Variants in SDHA observed in about 807,000 individuals in gnomAD.
The protein encoded by SDHA is succinate dehydrogenase complex flavoprotein subunit A.
Under a neutral mutation model 78.4 loss-of-function variants are expected in SDHA, and 48 were observed. That is an observed-to-expected ratio of 0.61 (90% confidence interval 0.49 to 0.78). The LOEUF (loss-of-function observed/expected upper bound fraction) is 0.78. SDHA is among the 30% of genes least tolerant of loss of function. SDHA has a pLI of 0.00. For missense variants in SDHA, 680 were observed against 892.7 expected, an observed-to-expected ratio of 0.76 and a Z score of 3.04; for synonymous variants, 326 against 353.9, an observed-to-expected ratio of 0.92 and a Z score of 0.88.
Position 225,902 on chromosome 5 carries a change from C to A in SDHA, c.476C>A (p.Pro159Gln), listed in dbSNP as rs759827541. ...AVVELENYGM[P>Q]FSRTEDGKIY... is the part of the protein sequence containing the mutation. ...TCACAGCTAGAAAATTATGGCATGC[C>A]GTTTAGCAGAACTGAAGATGGGAAG... is the stretch of plus-strand genomic sequence containing the variant. The change falls in exon 5 of 15, where the codon CCG becomes CAG. Residue 159 changes from proline to glutamine, a missense_variant. Physicochemically the swap from Pro to Gln is moderately conservative, Grantham distance 76 (BLOSUM62 -1). Coordinates refer to ENST00000264932, the MANE Select transcript of SDHA (RefSeq NM_004168.4). 1 of 1,612,892 alleles carries A rather than the reference C, an allele frequency of 6.2e-7. No homozygotes were observed. The highest frequency in any genetic ancestry group is 1.3e-5 in the African/African-American group (1 of 74,846).
In SDHA at chr5:241,233, G is replaced by A. The variant is rs763518502; in HGVS notation, c.1551+757G>A. Among the ~76,000 whole-genome samples, 8 of 152,164 alleles carry A rather than the reference G, an allele frequency of 5.3e-5. No homozygotes were observed. The South Asian group carries it at 6.2e-4, about 12-fold the overall frequency. The stretch of plus-strand genomic sequence containing the variant: ...CTGGCTGTCATGGATGAGTCACAGC[G>A]TGGAGGAGAGGGAACTGCAGGACCG... On this transcript the variant is annotated intron_variant, in intron 11 of 14. Transcript: ENST00000264932.
chr5:245,084 T>A (rs1447001637), intron 11 of SDHA, among the ~76,000 whole-genome samples: 3 of 152,204 alleles, frequency 2.0e-5, no homozygotes, highest in Non-Finnish European at 2.9e-5. Flanking sequence ...CAATGGCCAC[T>A]GAGTAAAGAG....
Position 223,513 on chromosome 5 carries a change from G to GT in SDHA, c.99dup (p.His34SerfsTer5). On this transcript the variant is annotated frameshift_variant, in exon 2 of 15. Coordinates refer to ENST00000264932, the MANE Select transcript of SDHA (RefSeq NM_004168.4). LOFTEE classifies it high-confidence loss of function. ...ACAGTGTTGCAAACAGGAACCCGAG[G>GT]TTTTCACTTCACTGTTGATGGGAAC... The GT allele has an allele frequency of 6.2e-7, 1 of 1,613,866 alleles. No homozygotes were observed. Among genetic ancestry groups the GT allele is most frequent in the Non-Finnish European group, 8.5e-7 (1 of 1,179,752 alleles).
rs755913710 is a variant in SDHA, at chr5:230,940, A to G, written c.835A>G (p.Met279Val). Residue 279 changes from methionine (M) to valine (V), a missense_variant, in exon 7 of 15, where the codon ATG becomes GTG. Transcript: ENST00000264932. ...AHTSTGDGTA[M>V]ITRAGLPCQD... is the part of the protein sequence containing the mutation. ...CACCAGCACTGGCGACGGCACGGCC[A>G]TGATCACCAGGGCAGGCCTTCCTTG... 3 of 1,613,922 alleles carry G rather than the reference A, an allele frequency of 1.9e-6. No individual in the cohort carries two copies. Among genetic ancestry groups the G allele is most frequent in the Non-Finnish European group, 2.5e-6 (3 of 1,179,902 alleles).
Position 250,834 on chromosome 5 carries a change from T to G in SDHA, c.1552-158T>G, listed in dbSNP as rs2126631445. 4 of 686,940 alleles carry G rather than the reference T, an allele frequency of 5.8e-6. No individual in the cohort carries two copies. In the East Asian group the frequency reaches 1.1e-4, roughly 19 times the overall value. 42.6% of individuals were successfully genotyped at this position (686,940 alleles called of 1,614,324 possible). ...CTTTAGTCAAAACTTCATTTTTAAG[T>G]TTGGAGTAATAAACTCATAGTCTGA... is the stretch of plus-strand genomic sequence containing the variant. On this transcript the variant is annotated intron_variant, in intron 11 of 14. Coordinates refer to ENST00000264932, the MANE Select transcript of SDHA (RefSeq NM_004168.4).
At chr5:236,663 C>T (rs1735808830) in intron 10 of SDHA, 64 bp downstream of exon 10, 7 of 1,547,880 alleles carry the variant, frequency 4.5e-6, no homozygotes, top group Non-Finnish European at 6.2e-6. Flanking sequence ...AGTCTTTTTT[C>T]TTTTTTTTGA....
Position 251,410 on chromosome 5 carries a change from T to C in SDHA, c.1736T>C (p.Ile579Thr), listed in dbSNP as rs1323205068. 2 of 1,613,870 alleles carry C rather than the reference T, an allele frequency of 1.2e-6. No homozygotes were observed. Among genetic ancestry groups the C allele is most frequent in the East Asian group, 4.5e-5 (2 of 44,868 alleles). The change falls in exon 13 of 15, where the codon ATC becomes ACC. Residue 579 changes from isoleucine (I) to threonine (T), a missense_variant. By Grantham distance (89) the Ile-to-Thr change is moderately conservative (BLOSUM62 -1). Coordinates refer to ENST00000264932, the MANE Select transcript of SDHA (RefSeq NM_004168.4). The stretch of plus-strand genomic sequence containing the variant: ...CTGATGCTGTGTGCGCTGCAGACCA[T>C]CTACGGAGCAGAGGCACGGAAGGAG... ...QNLMLCALQT[I>T]YGAEARKESR...
chr5:223,300 C>T (rs6874572), intron 1 of SDHA, among the ~76,000 whole-genome samples, 182 bp from the exon 2 acceptor site: 112,512 of 152,032 alleles, frequency 0.74, 42,140 homozygotes, highest in African/African-American at 0.78. Context: ...GGGCTCAGTC[C>T]TTCCTTGCCC....
chr5:219,024 C>T (rs1734556316), intron 1 of SDHA, among the ~76,000 whole-genome samples: 2 of 152,370 alleles, frequency 1.3e-5, no homozygotes, highest in South Asian at 4.1e-4. Context: ...CAAATCTGTC[C>T]ATGTCCACTT....
rs545670660 is a variant in SDHA, at chr5:255,980, A to C, written c.1909-354A>C. On this transcript the variant is annotated intron_variant, in intron 14 of 14. Transcript: ENST00000264932. ...TTTGCATTATACTTACTGTCTGAGCATCCCTAATCGGAAGATCTGACTCCA... is the reference window on the plus strand; with the variant it reads ...TTTGCATTATACTTACTGTCTGAGCCTCCCTAATCGGAAGATCTGACTCCA... Among the ~76,000 whole-genome samples the C allele has an allele frequency of 1.2e-4, 18 of 152,374 alleles. No homozygotes were observed. The South Asian group carries it at 3.3e-3, about 28-fold the overall frequency.
intron 11 of SDHA, among the ~76,000 whole-genome samples, chr5:245,751 A>T (rs1579427886): frequency 6.6e-6 from 1 of 152,238 alleles, no homozygotes; most frequent in Non-Finnish European, 1.5e-5. Flanking sequence ...ATCAATTGAA[A>T]ACATTAAATG....
downstream of SDHA, among the ~76,000 whole-genome samples, chr5:258,555 C>A (rs1737359559): frequency 1.7e-5 from 2 of 120,466 alleles, no homozygotes; most frequent in Non-Finnish European, 3.2e-5. Context: ...CCTCTCAGAG[C>A]CTTGCCGTGA....
At chr5:221,064 C>G (rs1194661312) in intron 1 of SDHA, among the ~76,000 whole-genome samples, 1 of 152,120 alleles carries the variant, frequency 6.6e-6, no homozygotes, top group East Asian at 1.9e-4. Context: ...CCGCCCGCCT[C>G]GGTCTCCCAA....
chr5:248,533 AT>A (rs1736614221), intron 11 of SDHA, among the ~76,000 whole-genome samples: 1 of 152,182 alleles, frequency 6.6e-6, no homozygotes, highest in African/African-American at 2.4e-5. Flanking sequence ...GAATGCCTGG[AT>A]GTAATCACTC....
At chr5:219,830 G>A (rs1198950715) in intron 1 of SDHA, among the ~76,000 whole-genome samples, 5 of 152,164 alleles carry the variant, frequency 3.3e-5, no homozygotes, top group African/African-American at 4.8e-5. Flanking sequence ...TGCCAGCGGC[G>A]GAGGCACCTC....
chr5:231,188 A>G (rs571416480), intron 7 of SDHA, among the ~76,000 whole-genome samples, 188 bp downstream of exon 7: 12 of 152,046 alleles, frequency 7.9e-5, no homozygotes, highest in Non-Finnish European at 1.8e-4. Flanking sequence ...CCCTTCCCCT[A>G]AGGCAGTTTG....
chr5:238,654 T>C (rs1735938409), intron 10 of SDHA, among the ~76,000 whole-genome samples: 1 of 152,178 alleles, frequency 6.6e-6, no homozygotes, highest in African/African-American at 2.4e-5. Flanking sequence ...CGCCTATACA[T>C]GTGTTAAAAT....
Position 256,226 on chromosome 5 carries a change from T to A in SDHA, c.1909-108T>A, listed in dbSNP as rs1737170392. ...TGTAAAGCACTGAGAATCTTAAAGT[T>A]CACATGCCATAAATCTACTTTTATA... On this transcript the variant is annotated intron_variant, in intron 14 of 14. Transcript: ENST00000264932. 1.4e-5 allele frequency: 12 copies of A among 838,698 alleles called. No homozygotes were observed. In the South Asian group the frequency reaches 1.6e-4, roughly 11 times the overall value. 52.0% of individuals were successfully genotyped at this position (838,698 alleles called of 1,614,324 possible). A position where few individuals can be genotyped will look rare whatever the true frequency, so the allele number is the denominator to read the frequency against.
intron 3 of SDHA, 160 bp downstream of exon 3, chr5:224,681 C>G: frequency 2.7e-6 from 2 of 733,918 alleles, no homozygotes; most frequent in Admixed American, 2.2e-5. Flanking sequence ...CTCCCTGGAG[C>G]CTCTTCCCTG....
Sources: gnomAD v4.1 joint callset for allele counts (sites outside exome capture counted in the v4.1 genomes callset) on GRCh38, gnomAD v4.1.1 for gene constraint, MANE v1.5 for transcripts, NCBI Gene and HGNC (gene_info 2026-07-23, HGNC 2026-07-21) for gene names.